CYP4F22: variants seen among roughly 807,000 people sequenced by gnomAD.
CYP4F22 encodes cytochrome P450 family 4 subfamily F member 22, also known as ultra-long-chain fatty acid omega-hydroxylase.
Under a neutral mutation model 60.4 loss-of-function variants are expected in CYP4F22, and 37 were observed. The ratio of observed to expected loss-of-function variants is 0.61; its 90% CI spans 0.47 to 0.81. The LOEUF (loss-of-function observed/expected upper bound fraction) is 0.81. CYP4F22 is among the 30% of genes least tolerant of loss of function. The pLI is 0.00. For missense variants in CYP4F22, 655 were observed against 715.0 expected (o/e 0.92, Z 0.96); for synonymous variants, 258 against 280.5 (o/e 0.92, Z 0.80).
chr19:15,518,660 AAAAAAAAAAG>A (rs1160641520), intron 1 of CYP4F22, among the ~76,000 whole-genome samples: 6 of 149,136 alleles, frequency 4.0e-5, no homozygotes, highest in Non-Finnish European at 5.9e-5. Flanking sequence ...AAAAAAAAAA[AAAAAAAAAAG>A]AAACAAAACA....
chr19:15,543,651 G>C (rs1971488430), intron 8 of CYP4F22, among the ~76,000 whole-genome samples: 1 of 152,078 alleles, frequency 6.6e-6, no homozygotes, highest in Admixed American at 6.6e-5. Context: ...GAGGCCACGA[G>C]TTCGAGACCG....
chr19:15,522,166 A>C (rs1023586941), intron 1 of CYP4F22, among the ~76,000 whole-genome samples: 2 of 148,550 alleles, frequency 1.3e-5, no homozygotes, highest in African/African-American at 4.9e-5. Context: ...AAAAAAAAAA[A>C]GGAAACACCA....
chr19:15,539,663 C>T (rs980698344), intron 7 of CYP4F22, among the ~76,000 whole-genome samples: 20 of 152,202 alleles, frequency 1.3e-4, no homozygotes, highest in Non-Finnish European at 2.6e-4. Flanking sequence ...CCATTTTGCT[C>T]TCCCAACCAG....
intron 10 of CYP4F22, among the ~76,000 whole-genome samples, chr19:15,545,648 CAAAAAAA>C (rs1217096575): frequency 1.6e-3 from 61 of 38,954 alleles, no homozygotes; most frequent in African/African-American, 5.7e-3. Context: ...GACCCTGTCT[CAAAAAAA>C]AAAAAAAAAA....
intron 4 of CYP4F22, among the ~76,000 whole-genome samples, chr19:15,530,617 G>C (rs1432739033): frequency 6.6e-6 from 1 of 152,110 alleles, no homozygotes; most frequent in Non-Finnish European, 1.5e-5. Flanking sequence ...CAGTTCCGCA[G>C]GGCTGGGGAG....
intron 7 of CYP4F22, among the ~76,000 whole-genome samples, chr19:15,539,805 T>C (rs780025760): frequency 3.9e-5 from 6 of 152,166 alleles, no homozygotes; most frequent in African/African-American, 7.2e-5. Context: ...CAACACTTGT[T>C]ATTATAAGTT....
chr19:15,551,497 G>A lies in CYP4F22; in HGVS notation c.*26G>A, dbSNP rs146912509. 1,363 of 1,545,524 alleles carry A rather than the reference G, an allele frequency of 8.8e-4. 12 individuals carry two copies. In the African/African-American group the frequency reaches 0.016, roughly 18 times the overall value. On this transcript the variant is annotated 3_prime_UTR_variant, in exon 14 of 14. Transcript: ENST00000269703. ...GCGTGGGCGCGCCCCTGCGGCTCCCGAGGGTCCAGGCCCCGCCCCCAAAGG... is the reference window on the plus strand; with the variant it reads ...GCGTGGGCGCGCCCCTGCGGCTCCCAAGGGTCCAGGCCCCGCCCCCAAAGG...
At chr19:15,549,224 C>T in intron 12 of CYP4F22, 22 bp downstream of exon 12, 1 of 1,613,894 alleles carries the variant, frequency 6.2e-7, no homozygotes, top group South Asian at 1.1e-5. Context: ...CCCCACTCCT[C>T]CCTGCCCTCA....
chr19:15,548,988 G>T, intron 11 of CYP4F22, 150 bp from the exon 12 acceptor site: 1 of 797,210 alleles, frequency 1.3e-6, no homozygotes, highest in Non-Finnish European at 2.1e-6. Context: ...GAGTGGATGG[G>T]GCAGCAGAAT....
At position 15,548,260 on chromosome 19, in the gene CYP4F22, C is replaced by A; in HGVS notation, c.1270+19C>A. 1.2e-6 allele frequency: 2 copies of A among 1,613,846 alleles called. No individual in the cohort carries two copies. Reference sequence around the variant, plus strand: ...CCCAAAGGTGCCTACCATGTTCCGCCTGCTGCTGGTGCACTGCCTCCAATG... The same window carrying A: ...CCCAAAGGTGCCTACCATGTTCCGCATGCTGCTGGTGCACTGCCTCCAATG... On this transcript the variant is annotated intron_variant, in intron 11 of 13. Coordinates refer to ENST00000269703, the MANE Select transcript of CYP4F22 (RefSeq NM_173483.4).
At chr19:15,526,919 A>C (rs1039594723) in intron 3 of CYP4F22, among the ~76,000 whole-genome samples, 2 of 151,816 alleles carry the variant, frequency 1.3e-5, no homozygotes, top group Non-Finnish European at 2.9e-5. Flanking sequence ...CGCCTGGCTA[A>C]TTTTTGTACT....
chr19:15,526,352 T>C (rs996845457), intron 3 of CYP4F22, among the ~76,000 whole-genome samples: 8 of 152,304 alleles, frequency 5.3e-5, no homozygotes, highest in African/African-American at 1.9e-4. Flanking sequence ...TCTTACCCTT[T>C]TATTGCATTG....
At chr19:15,538,973 A>G (rs1971429383) in intron 7 of CYP4F22, among the ~76,000 whole-genome samples, 1 of 152,226 alleles carries the variant, frequency 6.6e-6, no homozygotes, top group Non-Finnish European at 1.5e-5. Context: ...CCACTTCAGG[A>G]CTGAGGACAG....
At chr19:15,519,052 C>T (rs962840712) in intron 1 of CYP4F22, among the ~76,000 whole-genome samples, 2 of 151,928 alleles carry the variant, frequency 1.3e-5, no homozygotes, top group African/African-American at 4.8e-5. Context: ...AGGAGATGCC[C>T]CCAGGGGGAT....
At chr19:15,517,766 T>C (rs1014509413) in intron 1 of CYP4F22, among the ~76,000 whole-genome samples, 1 of 151,572 alleles carries the variant, frequency 6.6e-6, no homozygotes, top group African/African-American at 2.4e-5. Flanking sequence ...CTTTGGAGAG[T>C]GATCTAGGGG....
At chr19:15,540,927 A>T (rs765080171) in intron 8 of CYP4F22, among the ~76,000 whole-genome samples, 1 of 152,218 alleles carries the variant, frequency 6.6e-6, no homozygotes, top group Non-Finnish European at 1.5e-5. Context: ...TCTACAAAAA[A>T]CAAATAAGTT....
intron 3 of CYP4F22, 83 bp from the exon 4 acceptor site, chr19:15,529,626 G>C: frequency 2.5e-6 from 4 of 1,575,488 alleles, no homozygotes; most frequent in South Asian, 1.1e-5. Flanking sequence ...CTTGTTTTGA[G>C]ACTACAGGAG....
chr19:15,531,020 T>C (rs1430465411), intron 4 of CYP4F22, among the ~76,000 whole-genome samples: 1 of 151,770 alleles, frequency 6.6e-6, no homozygotes, highest in Non-Finnish European at 1.5e-5. Flanking sequence ...GGCAGGAGGG[T>C]TGCTTGAGGC....
intron 1 of CYP4F22, among the ~76,000 whole-genome samples, chr19:15,509,904 C>CCTTTCCTTCCTTCTTTCTTTCTTTCTTT (rs1971066504): frequency 3.5e-5 from 3 of 86,694 alleles, no homozygotes; most frequent in Admixed American, 2.4e-4. Context: ...TTCCTTCCTT[C>CCTTTCCTTCCTTCTTTCTTTCTTTCTTT]CTTTCTTTCT....
Sources: allele counts gnomAD v4.1 joint callset (sites outside exome capture counted in the v4.1 genomes callset), GRCh38; gene constraint gnomAD v4.1.1; transcripts MANE v1.5; gene names NCBI Gene and HGNC (gene_info 2026-07-23, HGNC 2026-07-21).